The following RYR1 variants were observed in gnomAD, a reference collection of about 807,000 sequenced individuals.
RYR1 encodes the protein central core disease of muscle.
RYR1 carries 342 observed loss-of-function variants against 583.5 expected under a neutral mutation model. That is an observed-to-expected ratio of 0.59 (90% CI 0.54 to 0.64). The LOEUF (loss-of-function observed/expected upper bound fraction) is 0.64, where lower values mean the gene tolerates loss of function less well. Among genes scored for constraint, RYR1 ranks in the 30% least tolerant of loss-of-function variants. RYR1 has a pLI of 0.00. For synonymous variants in RYR1, 2,791 were observed against 2,822.5 expected (o/e 0.99, Z 0.35); for missense variants, 6,032 against 6,917.2 (o/e 0.87, Z 4.54).
Position 38,485,972 on chromosome 19 carries a change from C to T in RYR1, c.5317C>T (p.Pro1773Ser), listed in dbSNP as rs192863857. 4.6e-4 allele frequency: 739 copies of T among 1,613,590 alleles called. 9 individuals are homozygous for T. In the East Asian group the frequency reaches 0.015, roughly 33 times the overall value. ...AGTTGGAGTCACCACTTCGCTGAGGCCCCCGCATCATTTCTCGCCCCCCTG... is the reference window on the plus strand; with the variant it reads ...AGTTGGAGTCACCACTTCGCTGAGGTCCCCGCATCATTTCTCGCCCCCCTG... Reference protein sequence around the residue: ...PGVGVTTSLRPPHHFSPPCFV... With the variant: ...PGVGVTTSLRSPHHFSPPCFV... Residue 1773 changes from proline to serine, a missense_variant, in exon 34 of 106, where the codon CCC becomes TCC. Coordinates refer to ENST00000359596, the MANE Select transcript of RYR1 (RefSeq NM_000540.3).
At position 38,444,725 on chromosome 19, in the gene RYR1, C is replaced by A. The variant is rs1043186166; in HGVS notation, c.631+48C>A. 6.4e-6 allele frequency: 9 copies of A among 1,415,074 alleles called. No homozygotes were observed. The highest frequency in any genetic ancestry group is 7.9e-6 in the Non-Finnish European group (8 of 1,014,554). The allele number at this position is 1,415,074 out of a possible 1,614,324, so 87.7% of individuals were successfully genotyped here. ...TAAATGGAGATCCCCCCAAAACAGA[C>A]CCTTAATGTTGCCCTTCAGGCATAC... On this transcript the variant is annotated intron_variant, in intron 7 of 105. Coordinates refer to ENST00000359596, the MANE Select transcript of RYR1 (RefSeq NM_000540.3). This position sits in a 1 kb window ranked among gnomAD's most constrained non-coding sequence, Gnocchi z 5.1.
intron 101 of RYR1, among the ~76,000 whole-genome samples, chr19:38,580,899 A>G (rs568022196): frequency 7.5e-6 from 1 of 132,800 alleles, no homozygotes; most frequent in Admixed American, 7.8e-5. Flanking sequence ...TGCCAGGCAC[A>G]TTTTTTTTTT....
chr19:38,496,240 T>G lies in RYR1; in HGVS notation c.6574T>G (p.Tyr2192Asp). 6.2e-7 allele frequency: 1 copy of G among 1,613,812 alleles called. No homozygotes were observed. The highest frequency in any genetic ancestry group is 8.5e-7 in the Non-Finnish European group (1 of 1,180,034). The change falls in exon 40 of 106, where the codon TAC (tyrosine) becomes GAC (aspartate). Residue 2192 changes from tyrosine to aspartate, a missense_variant. Tyr to Asp is a radical substitution (Grantham distance 160). This residue lies in a region of RYR1 where 2,627 missense variants were observed against 2,961.3 expected (regional missense o/e 0.89). Transcript: ENST00000359596. The surrounding 1 kb of genome is among the most constrained non-coding windows in gnomAD (Gnocchi z 4.8). Reference sequence around the variant, plus strand: ...GAACATCATGAACAACAAAGTCTTCTACCAACACCCGAACCTGATGAGGGC... The same window carrying G: ...GAACATCATGAACAACAAAGTCTTCGACCAACACCCGAACCTGATGAGGGC... ...IGNIMNNKVFYQHPNLMRALG... is the reference protein window; with the variant it reads ...IGNIMNNKVFDQHPNLMRALG...
intron 61 of RYR1, 37 bp downstream of exon 61, chr19:38,511,647 C>T (rs745731294): frequency 6.2e-7 from 1 of 1,606,846 alleles, no homozygotes. Flanking sequence ...CCTCCCTAAT[C>T]TTTCTCTTCC....
chr19:38,561,470 C>T lies in RYR1; in HGVS notation c.12624+16C>T, dbSNP rs761527615. ...GATGCCCCAGGTCAGGGAACCCGCG[C>T]GCGTGCAAGCTCGCCTCCTGGGGCT... is the stretch of plus-strand genomic sequence containing the variant. On this transcript the variant is annotated intron_variant, in intron 90 of 105. Coordinates refer to ENST00000359596, the MANE Select transcript of RYR1 (RefSeq NM_000540.3). This position sits in a 1 kb window ranked among gnomAD's most constrained non-coding sequence, Gnocchi z 4.8. The T allele has an allele frequency of 4.4e-6, 7 of 1,598,728 alleles. No homozygotes were observed. Among genetic ancestry groups the T allele is most frequent in the Admixed American group, 1.7e-5 (1 of 59,804 alleles).
In RYR1 at chr19:38,586,096, G is replaced by A; in HGVS notation, c.14874G>A (p.Lys4958=). The change falls in exon 104 of 106, where the codon AAG becomes AAA. Residue 4958 remains lysine, a synonymous_variant. Coordinates refer to ENST00000359596, the MANE Select transcript of RYR1 (RefSeq NM_000540.3). ...QEQVKEDMET[K]CFICGIGSDY... ...ATGTCTCTTGCCACTCACAGACCAA[G>A]TGCTTCATCTGTGGAATCGGCAGTG... 1 of 1,614,180 alleles carries A rather than the reference G, an allele frequency of 6.2e-7. No homozygotes were observed. The highest frequency in any genetic ancestry group is 1.1e-5 in the South Asian group (1 of 91,078).
chr19:38,466,737 G>A (rs529555964), intron 24 of RYR1, among the ~76,000 whole-genome samples: 4 of 151,984 alleles, frequency 2.6e-5, no homozygotes, highest in Non-Finnish European at 4.4e-5. Flanking sequence ...TCCTGACCTC[G>A]TGATCCGCCT....
At position 38,452,993 on chromosome 19, in the gene RYR1, C is replaced by A. The variant is rs200298392; in HGVS notation, c.1419C>A (p.Arg473=). The change falls in exon 13 of 106, where the codon CGC becomes CGA. Residue 473 remains arginine (R), a synonymous_variant. Coordinates refer to ENST00000359596, the MANE Select transcript of RYR1 (RefSeq NM_000540.3). ...KQSKLRSLRN[R]QSLFQEEGML... ...GCAAGCTGCGAAGCCTGCGCAACCG[C>A]CAGAGCCTCTTCCAGGAGGAGGTGA... 23 of 1,613,876 alleles carry A rather than the reference C, an allele frequency of 1.4e-5. No homozygotes were observed. In the Admixed American group the frequency reaches 3.5e-4, roughly 25 times the overall value.
chr19:38,464,472 A>C (rs1481209370), intron 22 of RYR1, among the ~76,000 whole-genome samples, 167 bp from the exon 23 acceptor site: 1 of 152,102 alleles, frequency 6.6e-6, no homozygotes, highest in East Asian at 1.9e-4. Context: ...GCAGGGAAAG[A>C]CAGAAGTCAT....
In RYR1 at chr19:38,473,379, A is replaced by G. The variant is rs1600729390; in HGVS notation, c.3768A>G (p.Val1256=). 1.9e-6 allele frequency: 3 copies of G among 1,613,750 alleles called. No individual in the cohort carries two copies. The highest frequency in any genetic ancestry group is 3.3e-5 in the Admixed American group (2 of 59,998). The change falls in exon 28 of 106, where the codon GTA becomes GTG. Residue 1256 remains valine (V), a splice_region_variant and synonymous_variant. Transcript: ENST00000359596. ...PVPLEHPHYE[V]SRVDGTVDTP... is the part of the protein sequence containing the mutation. The stretch of plus-strand genomic sequence containing the variant: ...TACTCCATTCCCTGCCACCTCAGGT[A>G]TCCCGAGTGGACGGCACTGTGGACA...
Position 38,528,958 on chromosome 19 carries a change from G to T in RYR1, c.11042G>T (p.Gly3681Val). ...TCTCCCCTCTCCCACCAGAAAGCTGGGGAGCAGGAGGAGGAGGAGGAAGAG... is the reference window on the plus strand; with the variant it reads ...TCTCCCCTCTCCCACCAGAAAGCTGTGGAGCAGGAGGAGGAGGAGGAAGAG... Reference protein sequence around the residue: ...DRMIDDLSKAGEQEEEEEEVE... With the variant: ...DRMIDDLSKAVEQEEEEEEVE... The change falls in exon 76 of 106, where the codon GGG (glycine) becomes GTG (valine). Residue 3681 changes from glycine to valine, a missense_variant. Physicochemically the swap from Gly to Val is moderately radical, Grantham distance 109. This residue lies in a region of RYR1 where 1,493 missense variants were observed against 1,715.5 expected (regional missense o/e 0.87). Coordinates refer to ENST00000359596, the MANE Select transcript of RYR1 (RefSeq NM_000540.3). The T allele has an allele frequency of 6.2e-7, 1 of 1,608,420 alleles. No homozygotes were observed. Among genetic ancestry groups the T allele is most frequent in the East Asian group, 2.2e-5 (1 of 44,766 alleles).
intron 73 of RYR1, 136 bp from the exon 74 acceptor site, chr19:38,528,170 G>A (rs1382212590): frequency 2.6e-6 from 2 of 765,010 alleles, no homozygotes; most frequent in Non-Finnish European, 4.6e-6. Context: ...CTCTGTTGGT[G>A]GAGACAAGGT....
At chr19:38,486,319 C>T in intron 34 of RYR1, 117 bp downstream of exon 34, 2 of 1,197,040 alleles carry the variant, frequency 1.7e-6, no homozygotes, top group Middle Eastern at 1.9e-4. Flanking sequence ...TCATTCCCTC[C>T]TCTATACATC....
At chr19:38,548,699 T>C (rs1261589386) in intron 89 of RYR1, among the ~76,000 whole-genome samples, 2 of 152,184 alleles carry the variant, frequency 1.3e-5, no homozygotes, top group Non-Finnish European at 2.9e-5. Context: ...CACCTCAGCC[T>C]CCTGAGTAGT....
chr19:38,437,518 A>G (rs1972479805), intron 1 of RYR1, among the ~76,000 whole-genome samples: 1 of 152,106 alleles, frequency 6.6e-6, no homozygotes, highest in Non-Finnish European at 1.5e-5. Flanking sequence ...AAATGGGGAC[A>G]AGATTATATA....
rs1176364208 is a variant in RYR1 at position 38,561,391 on chromosome 19, CCGCATCGAG to C, written c.12568_12576del (p.Glu4190_Ile4192del). Reference sequence around the variant, plus strand: ...GCATCGAGATCATGGGCGCGTCACGCCGCATCGAGCGCATCTACTTCGAGATCTCAGAGA... The same window carrying C: ...GCATCGAGATCATGGGCGCGTCACGCCGCATCTACTTCGAGATCTCAGAGA... On this transcript the variant is annotated inframe_deletion, in exon 90 of 106. Transcript: ENST00000359596. The surrounding 1 kb of genome is among the most constrained non-coding windows in gnomAD (Gnocchi z 4.8). 9 of 1,613,344 alleles carry C rather than the reference CCGCATCGAG, an allele frequency of 5.6e-6. No homozygotes were observed. The highest frequency in any genetic ancestry group is 5.9e-6 in the Non-Finnish European group (7 of 1,180,014).
At chr19:38,585,208 CG>C (rs1231625801) in intron 102 of RYR1, 109 bp downstream of exon 102, 2 of 1,352,068 alleles carry the variant, frequency 1.5e-6, no homozygotes, top group Non-Finnish European at 2.1e-6. Context: ...CTCTACCTCT[CG>C]CTACTGTGAG....
At chr19:38,436,350 C>T (rs1459817192) in intron 1 of RYR1, among the ~76,000 whole-genome samples, 3 of 152,042 alleles carry the variant, frequency 2.0e-5, no homozygotes, top group African/African-American at 4.8e-5. Context: ...TGGGACTACA[C>T]GTGCATAGCA....
At chr19:38,454,749 A>G (rs1212303755) in intron 13 of RYR1, among the ~76,000 whole-genome samples, 2 of 151,662 alleles carry the variant, frequency 1.3e-5, no homozygotes, top group Non-Finnish European at 2.9e-5. Flanking sequence ...CTGTATGTAT[A>G]TTATGATTCA....
Sources: gnomAD v4.1 joint callset for allele counts (sites outside exome capture counted in the v4.1 genomes callset) on GRCh38, gnomAD v4.1.1 for gene constraint, gnomAD v4.1.1 regional missense constraint, Gnocchi (gnomAD v3.1) non-coding constraint, MANE v1.5 for transcripts, NCBI Gene and HGNC (gene_info 2026-07-23, HGNC 2026-07-21) for gene names.